The following RBFOX1 variants were observed in gnomAD, a reference collection of about 807,000 sequenced individuals.
The protein encoded by RBFOX1 is RNA binding protein fox-1 homolog 1.
In RBFOX1, 8 loss-of-function variants were observed where a neutral mutation model predicts 57.7. The observed-to-expected ratio is 0.14, with a 90% confidence interval of 0.08 to 0.25. RBFOX1 has a LOEUF of 0.25. RBFOX1 is among the 10% of genes least tolerant of loss of function. The pLI is 1.00. For missense variants in RBFOX1, 611 were observed against 548.5 expected, an observed-to-expected ratio of 1.11 and a Z score of -1.14; for synonymous variants, 326 against 222.4, an observed-to-expected ratio of 1.47 and a Z score of -4.15.
intron 2 of RBFOX1, among the ~76,000 whole-genome samples, chr16:6,532,958 G>T (rs917241662): frequency 1.3e-5 from 2 of 152,152 alleles, no homozygotes; most frequent in Non-Finnish European, 2.9e-5. Flanking sequence ...CAGTCTCCCA[G>T]TGTCCCTGTG....
intron 4 of RBFOX1, among the ~76,000 whole-genome samples, chr16:7,136,897 G>C (rs1477283723): frequency 6.6e-6 from 1 of 152,190 alleles, no homozygotes; most frequent in African/African-American, 2.4e-5. Flanking sequence ...GCCTGGGCAG[G>C]AAGGAGGCAT....
At chr16:7,552,210 C>T (rs1236806177) in intron 5 of RBFOX1, among the ~76,000 whole-genome samples, 2 of 152,126 alleles carry the variant, frequency 1.3e-5, no homozygotes, top group East Asian at 3.9e-4. Context: ...TTTCCTTGTA[C>T]TTCTTTTTTC....
At chr16:6,986,521 G>C (rs144494618) in intron 3 of RBFOX1, among the ~76,000 whole-genome samples, 1 of 152,064 alleles carries the variant, frequency 6.6e-6, no homozygotes, top group African/African-American at 2.4e-5. Context: ...TGAACTCATG[G>C]GCTCAACTGA....
intron 11 of RBFOX1, among the ~76,000 whole-genome samples, chr16:7,635,528 C>G (rs561184319): frequency 1.2e-4 from 18 of 152,000 alleles, no homozygotes; most frequent in Admixed American, 1.1e-3. Flanking sequence ...TCTACATTTT[C>G]TCCGTGGTTA....
intron 4 of RBFOX1, among the ~76,000 whole-genome samples, chr16:7,382,872 GAGGAGCTGTAAGCTGCCTACATCA>G (rs2097802720): frequency 6.6e-6 from 1 of 152,204 alleles, no homozygotes; most frequent in African/African-American, 2.4e-5. Context: ...CAATTAAATT[GAGGAGCTGTAAGCTGCCTACATCA>G]AGTATGTTTA....
At chr16:6,851,045 A>G (rs544316861) in intron 3 of RBFOX1, among the ~76,000 whole-genome samples, 1 of 152,356 alleles carries the variant, frequency 6.6e-6, no homozygotes, top group African/African-American at 2.4e-5. Context: ...GCAATAAAAA[A>G]GAACAAATTA....
chr16:5,536,709 A>G (rs892549880), intron 2 of RBFOX1, among the ~76,000 whole-genome samples: 4 of 152,134 alleles, frequency 2.6e-5, no homozygotes, highest in African/African-American at 9.7e-5. Flanking sequence ...AGGGAAATGG[A>G]ACAAGGAAGA....
At chr16:7,344,237 AAGTCATTTCTG>A (rs1312053812) in intron 4 of RBFOX1, among the ~76,000 whole-genome samples, 2 of 150,840 alleles carry the variant, frequency 1.3e-5, no homozygotes, top group Non-Finnish European at 3.0e-5. Flanking sequence ...GATAATACCA[AAGTCATTTCTG>A]AGGATCAAAT....
intron 3 of RBFOX1, among the ~76,000 whole-genome samples, chr16:7,007,000 C>G (rs982909885): frequency 9.9e-5 from 15 of 152,164 alleles, no homozygotes; most frequent in African/African-American, 2.9e-4. Flanking sequence ...CTTGAAATAA[C>G]AAATACATAT....
intron 10 of RBFOX1, among the ~76,000 whole-genome samples, chr16:7,629,861 G>C (rs917430924): frequency 1.3e-5 from 2 of 152,320 alleles, no homozygotes; most frequent in Non-Finnish European, 1.5e-5. Context: ...CTTTCTGGCT[G>C]GAAGGCAGAG....
intron 2 of RBFOX1, among the ~76,000 whole-genome samples, chr16:6,651,082 A>G (rs547158566): frequency 6.6e-6 from 1 of 152,260 alleles, no homozygotes; most frequent in East Asian, 1.9e-4. Context: ...CTGTATGTTT[A>G]GTGGAGATGG....
At chr16:7,053,007 C>A (rs2346247) in intron 4 of RBFOX1, among the ~76,000 whole-genome samples, 13 of 151,918 alleles carry the variant, frequency 8.6e-5, no homozygotes, top group South Asian at 2.1e-4. Context: ...TTAGGAAACT[C>A]CTGTGCCCAA....
intron 3 of RBFOX1, among the ~76,000 whole-genome samples, chr16:6,838,574 C>T (rs375329407): frequency 3.3e-5 from 5 of 152,310 alleles, no homozygotes; most frequent in South Asian, 2.1e-4. Context: ...ATGAGGTAGT[C>T]CTCTTCTGCT....
intron 1 of RBFOX1, among the ~76,000 whole-genome samples, chr16:5,391,821 T>C (rs1298566550): frequency 6.6e-6 from 1 of 151,388 alleles, no homozygotes; most frequent in East Asian, 2.0e-4. Flanking sequence ...GGTGTGTGTG[T>C]ATATATATAC....
intron 2 of RBFOX1, among the ~76,000 whole-genome samples, chr16:5,498,374 A>G (rs781269646): frequency 6.6e-6 from 1 of 152,022 alleles, no homozygotes; most frequent in Non-Finnish European, 1.5e-5. Flanking sequence ...AACCTCCTGA[A>G]CTCAAGTTAT....
intron 3 of RBFOX1, among the ~76,000 whole-genome samples, chr16:6,756,615 CAAT>C (rs370818178): frequency 1.3e-5 from 2 of 151,816 alleles, no homozygotes; most frequent in Non-Finnish European, 2.9e-5. Context: ...AACTCCATAG[CAAT>C]AATAATAATA....
At chr16:6,611,887 T>G (rs914835451) in intron 2 of RBFOX1, among the ~76,000 whole-genome samples, 9 of 152,138 alleles carry the variant, frequency 5.9e-5, no homozygotes, top group African/African-American at 2.2e-4. Flanking sequence ...GTTTCTGGTC[T>G]CTGAAGACAC....
intron 4 of RBFOX1, among the ~76,000 whole-genome samples, chr16:7,100,263 C>T (rs558040008): frequency 3.9e-4 from 59 of 152,162 alleles, no homozygotes; most frequent in African/African-American, 1.1e-3. Flanking sequence ...GAATAAAATG[C>T]TCATGAAAAT....
chr16:6,775,812 A>G (rs1256203056), intron 3 of RBFOX1: 1 of 152,202 alleles, frequency 6.6e-6, no homozygotes, highest in African/African-American at 2.4e-5. Flanking sequence ...CAGTCTCTGA[A>G]TGGAAATCCA....
Sources: allele counts gnomAD v4.1 joint callset (sites outside exome capture counted in the v4.1 genomes callset), GRCh38; gene constraint gnomAD v4.1.1; transcripts MANE v1.5; gene names NCBI Gene and HGNC (gene_info 2026-07-23, HGNC 2026-07-21).